The following CWC27 variants were observed in gnomAD, a reference collection of about 807,000 sequenced individuals.
CWC27 encodes the protein spliceosome-associated protein CWC27 homolog.
Under a neutral mutation model 63.6 loss-of-function variants are expected in CWC27, and 47 were observed. That is an observed-to-expected ratio of 0.74 (90% CI 0.58 to 0.94). The LOEUF is 0.94. Among genes scored for constraint, CWC27 ranks in the 40% least tolerant of loss-of-function variants. The probability of loss-of-function intolerance (pLI) is 0.00; values close to 1 mark genes in which losing one functional copy is unlikely to be tolerated. For synonymous variants in CWC27, 175 were observed against 179.8 expected (o/e 0.97, Z 0.22); for missense variants, 495 against 554.3 (o/e 0.89, Z 1.07).
intron 11 of CWC27, among the ~76,000 whole-genome samples, chr5:64,931,560 AT>A (rs534375413): frequency 6.6e-6 from 1 of 151,784 alleles, no homozygotes; most frequent in East Asian, 1.9e-4. Flanking sequence ...ACTAATCTTA[AT>A]TTTTTTTACA....
intron 10 of CWC27, among the ~76,000 whole-genome samples, chr5:64,839,740 TG>T (rs1389149029): frequency 2.0e-5 from 3 of 151,912 alleles, no homozygotes; most frequent in Non-Finnish European, 4.4e-5. Flanking sequence ...TAGATTACAG[TG>T]GGGGAAGACT....
At chr5:64,915,423 T>G (rs1344542755) in intron 11 of CWC27, among the ~76,000 whole-genome samples, 1 of 152,218 alleles carries the variant, frequency 6.6e-6, no homozygotes, top group East Asian at 1.9e-4. Context: ...TCTGCAAAGT[T>G]GGCAAACAAC....
chr5:64,944,646 C>T (rs889057425), intron 11 of CWC27, among the ~76,000 whole-genome samples: 6 of 151,958 alleles, frequency 3.9e-5, no homozygotes, highest in African/African-American at 1.2e-4. Flanking sequence ...GTTTTTTGTT[C>T]CCCTTTCTTT....
At chr5:64,777,394 G>A (rs924304225) in intron 2 of CWC27, among the ~76,000 whole-genome samples, 1 of 152,070 alleles carries the variant, frequency 6.6e-6, no homozygotes, top group Non-Finnish European at 1.5e-5. Context: ...CAAGATGAGT[G>A]TTAGATAAAA....
chr5:64,807,451 AAAG>A, intron 10 of CWC27: 1 of 1,020,476 alleles, frequency 9.8e-7, no homozygotes, highest in Non-Finnish European at 1.3e-6. Context: ...TCATTTGAAA[AAAG>A]AGCTCAGGGG....
intron 13 of CWC27, among the ~76,000 whole-genome samples, chr5:65,006,456 G>A (rs1749843555): frequency 6.6e-6 from 1 of 152,030 alleles, no homozygotes; most frequent in South Asian, 2.1e-4. Context: ...TAATTTTTAA[G>A]ATTCTAACTC....
At chr5:64,963,508 G>C in intron 11 of CWC27, among the ~76,000 whole-genome samples, 1 of 152,156 alleles carries the variant, frequency 6.6e-6, no homozygotes, top group South Asian at 2.1e-4. Flanking sequence ...AAACATGAAC[G>C]TACTATGACC....
chr5:64,837,192 T>C (rs568486200), intron 10 of CWC27, among the ~76,000 whole-genome samples: 1 of 152,210 alleles, frequency 6.6e-6, no homozygotes, highest in South Asian at 2.1e-4. Context: ...AGTTCAGCTA[T>C]TAGGTTTAAG....
chr5:64,861,129 C>A (rs1561437973), intron 10 of CWC27, among the ~76,000 whole-genome samples: 3 of 152,088 alleles, frequency 2.0e-5, no homozygotes, highest in South Asian at 4.2e-4. Context: ...ATGCTTAGTT[C>A]TCCATGTGTG....
chr5:64,830,051 G>A (rs1321735806), intron 10 of CWC27, among the ~76,000 whole-genome samples: 1 of 118,352 alleles, frequency 8.4e-6, no homozygotes, highest in African/African-American at 3.4e-5. Context: ...TATACTTTAA[G>A]TTCTAGGATA....
intron 10 of CWC27, among the ~76,000 whole-genome samples, chr5:64,835,365 T>C (rs12518636): frequency 0.17 from 25,184 of 151,772 alleles, 2,485 homozygotes; most frequent in East Asian, 0.34. Flanking sequence ...CCTATTTCCC[T>C]TTACATGGAT....
chr5:64,800,520 C>T (rs1180966642), intron 8 of CWC27, among the ~76,000 whole-genome samples, 193 bp downstream of exon 8: 1 of 152,174 alleles, frequency 6.6e-6, no homozygotes, highest in African/African-American at 2.4e-5. Flanking sequence ...TAGTCACTTT[C>T]GCACTTGCTC....
At chr5:64,807,072 C>T (rs947751094) in intron 10 of CWC27, among the ~76,000 whole-genome samples, 1 of 152,112 alleles carries the variant, frequency 6.6e-6, no homozygotes, top group Non-Finnish European at 1.5e-5. Flanking sequence ...ATATCATTAT[C>T]TATTCAAAAA....
At chr5:64,890,735 T>C (rs1487007843) in intron 11 of CWC27, among the ~76,000 whole-genome samples, 1 of 152,180 alleles carries the variant, frequency 6.6e-6, no homozygotes, top group African/African-American at 2.4e-5. Flanking sequence ...CACTAATAAA[T>C]TGATTATCTG....
chr5:64,804,439 T>C, intron 10 of CWC27, 53 bp downstream of exon 10: 1 of 1,473,204 alleles, frequency 6.8e-7, no homozygotes, highest in Non-Finnish European at 9.1e-7. Context: ...TATATTTCAC[T>C]TTAATTCAGA....
intron 13 of CWC27, among the ~76,000 whole-genome samples, chr5:64,992,688 C>T (rs1276744418): frequency 1.5e-5 from 2 of 134,120 alleles, no homozygotes; most frequent in African/African-American, 2.8e-5. Flanking sequence ...CCCGCCACCA[C>T]GCCTGGCTAA....
At chr5:64,989,545 C>G (rs1431414275) in intron 13 of CWC27, among the ~76,000 whole-genome samples, 1 of 152,216 alleles carries the variant, frequency 6.6e-6, no homozygotes, top group East Asian at 1.9e-4. Flanking sequence ...AGTTGAAAAA[C>G]AGTACCTTAG....
intron 2 of CWC27, among the ~76,000 whole-genome samples, chr5:64,781,545 C>T (rs1226884673): frequency 1.3e-5 from 2 of 152,128 alleles, no homozygotes; most frequent in African/African-American, 4.8e-5. Flanking sequence ...ATCCCTGCCC[C>T]CTACTCACTG....
In CWC27 at chr5:64,870,672, ACTT is replaced by A. The variant is rs140328219; in HGVS notation, c.939-14767_939-14765del. Among the ~76,000 whole-genome samples, 78 of 152,118 alleles carry A rather than the reference ACTT, an allele frequency of 5.1e-4. 1 individual carries two copies. Among genetic ancestry groups the A allele is most frequent in the African/African-American group, 1.8e-3 (76 of 41,550 alleles). On this transcript the variant is annotated intron_variant, in intron 10 of 13. Transcript: ENST00000381070. ...TTGAAATATTCCCCTCAAAAAAGAA[ACTT>A]CTTTTTTTCTAAACAGAAATAAATT...
Sources: allele counts gnomAD v4.1 joint callset (sites outside exome capture counted in the v4.1 genomes callset), GRCh38; gene constraint gnomAD v4.1.1; transcripts MANE v1.5; gene names NCBI Gene and HGNC (gene_info 2026-07-23, HGNC 2026-07-21).